ULK4: variants seen among roughly 807,000 people sequenced by gnomAD.
ULK4 encodes inactive serine/threonine-protein kinase ULK4.
A neutral mutation model predicts 160.6 loss-of-function variants in ULK4; 133 were observed. The observed-to-expected ratio is 0.83, with a 90% CI of 0.72 to 0.96. The LOEUF (loss-of-function observed/expected upper bound fraction) is 0.96. Among genes scored for constraint, ULK4 ranks in the 40% least tolerant of loss-of-function variants. The pLI, the probability that ULK4 is intolerant of heterozygous loss-of-function variation, is 0.00. For synonymous variants in ULK4, 534 were observed against 539.8 expected (o/e 0.99, Z 0.15); for missense variants, 1,580 against 1,499.5 (o/e 1.05, Z -0.89).
chr3:41,375,715 C>G (rs897133158), intron 35 of ULK4, among the ~76,000 whole-genome samples: 1 of 150,280 alleles, frequency 6.7e-6, no homozygotes, highest in Non-Finnish European at 1.5e-5. Flanking sequence ...AGGACACAGG[C>G]ATGGGCAAAG....
intron 22 of ULK4, among the ~76,000 whole-genome samples, chr3:41,736,540 T>G (rs1336809363): frequency 6.6e-6 from 1 of 151,944 alleles, no homozygotes; most frequent in Non-Finnish European, 1.5e-5. Flanking sequence ...GATGGGGTTG[T>G]TTGGTTTTTC....
chr3:41,578,876 C>G, intron 31 of ULK4, among the ~76,000 whole-genome samples: 1 of 152,144 alleles, frequency 6.6e-6, no homozygotes. Context: ...TTTCCAAAGT[C>G]CAGAAGAGAA....
At chr3:41,426,606 C>G (rs1217397820) in intron 34 of ULK4, among the ~76,000 whole-genome samples, 1 of 152,068 alleles carries the variant, frequency 6.6e-6, no homozygotes, top group Admixed American at 6.6e-5. Flanking sequence ...ACTCAAGATT[C>G]AGAAACTCAC....
At chr3:41,285,585 T>TG (rs1387260083) in intron 35 of ULK4, among the ~76,000 whole-genome samples, 1 of 152,030 alleles carries the variant, frequency 6.6e-6, no homozygotes, top group East Asian at 1.9e-4. Context: ...TTTGGGGACT[T>TG]GGGGGGAAGG....
At chr3:41,269,038 G>A (rs1340708163) in intron 35 of ULK4, among the ~76,000 whole-genome samples, 3 of 152,156 alleles carry the variant, frequency 2.0e-5, no homozygotes, top group East Asian at 3.9e-4. Context: ...CTGACTAACT[G>A]GCACACACTT....
At chr3:41,506,767 A>AAAAAAAAAAAAAAAAAAAAAAAAATATAT in intron 32 of ULK4, among the ~76,000 whole-genome samples, 17 of 56,794 alleles carry the variant, frequency 3.0e-4, no homozygotes, top group South Asian at 6.5e-4. Context: ...TGTGATTTAA[A>AAAAAAAAAAAAAAAAAAAAAAAAATATAT]ATATATATAT....
chr3:41,799,219 T>C (rs999201606), intron 20 of ULK4, among the ~76,000 whole-genome samples: 4 of 151,928 alleles, frequency 2.6e-5, no homozygotes, highest in South Asian at 2.1e-4. Flanking sequence ...CCAGATGAGA[T>C]TGCTAACTCA....
At chr3:41,917,477 T>C (rs1447401227) in intron 7 of ULK4, among the ~76,000 whole-genome samples, 1 of 151,998 alleles carries the variant, frequency 6.6e-6, no homozygotes, top group Non-Finnish European at 1.5e-5. Context: ...TATATATATA[T>C]GTATATATAG....
intron 21 of ULK4, among the ~76,000 whole-genome samples, chr3:41,762,763 CGCCATTCTCCT>C (rs1419908876): frequency 2.0e-5 from 3 of 150,054 alleles, no homozygotes; most frequent in African/African-American, 7.4e-5. Flanking sequence ...CCCAGGTTCA[CGCCATTCTCCT>C]GCCTCAGCCT....
At chr3:41,267,911 C>T (rs1257020698) in intron 35 of ULK4, among the ~76,000 whole-genome samples, 4 of 152,176 alleles carry the variant, frequency 2.6e-5, no homozygotes, top group African/African-American at 9.7e-5. Context: ...GAGATGTCTA[C>T]CAGATTGAGA....
chr3:41,560,647 T>G (rs573239520), intron 32 of ULK4, among the ~76,000 whole-genome samples: 1 of 152,220 alleles, frequency 6.6e-6, no homozygotes, highest in African/African-American at 2.4e-5. Flanking sequence ...AGTTCACTTA[T>G]GATTTGGTTC....
intron 17 of ULK4, among the ~76,000 whole-genome samples, chr3:41,867,295 G>C (rs577479134): frequency 1.3e-5 from 2 of 152,254 alleles, no homozygotes; most frequent in East Asian, 3.9e-4. Context: ...AAAGCCACAA[G>C]GGCACTTACC....
chr3:41,431,114 C>T (rs1212138003), intron 34 of ULK4, among the ~76,000 whole-genome samples: 2 of 152,108 alleles, frequency 1.3e-5, no homozygotes, highest in African/African-American at 4.8e-5. Flanking sequence ...CTTTGGGTGG[C>T]GGAGGCAGGC....
In ULK4 at chr3:41,800,300, A is replaced by C. The variant is rs369153499; in HGVS notation, c.1849-7T>G. Reference sequence around the variant, plus strand: ...GATTCACAACACGCTCTTCCTATAGAGAAAGGAGATTAAAATAATATTAGT... The same window carrying C: ...GATTCACAACACGCTCTTCCTATAGCGAAAGGAGATTAAAATAATATTAGT... On this transcript the variant is annotated splice_region_variant and splice_polypyrimidine_tract_variant and intron_variant, in intron 19 of 36. Transcript: ENST00000301831. 4.4e-6 allele frequency: 7 copies of C among 1,602,696 alleles called. No homozygotes were observed. The African/African-American group carries it at 6.7e-5, about 15-fold the overall frequency.
chr3:41,820,415 G>A (rs1236809993), intron 18 of ULK4, among the ~76,000 whole-genome samples: 1 of 152,020 alleles, frequency 6.6e-6, no homozygotes, highest in African/African-American at 2.4e-5. Flanking sequence ...ATCAACTTAG[G>A]TGCCCATCAA....
intron 31 of ULK4, among the ~76,000 whole-genome samples, chr3:41,595,346 G>A (rs1382439141): frequency 1.3e-5 from 2 of 152,288 alleles, no homozygotes; most frequent in East Asian, 1.9e-4. Flanking sequence ...AAGCCAGTAA[G>A]CTACAGAGAC....
intron 35 of ULK4, among the ~76,000 whole-genome samples, chr3:41,317,504 AATG>A (rs1178544939): frequency 6.6e-6 from 1 of 152,210 alleles, no homozygotes; most frequent in Non-Finnish European, 1.5e-5. Context: ...AACGATTGAT[AATG>A]ATTATTGATA....
At chr3:41,852,576 C>T (rs976162684) in intron 17 of ULK4, among the ~76,000 whole-genome samples, 5 of 147,198 alleles carry the variant, frequency 3.4e-5, no homozygotes, top group Non-Finnish European at 1.5e-5. Flanking sequence ...ACCTCAAAGA[C>T]CAAAAATAGA....
intron 34 of ULK4, among the ~76,000 whole-genome samples, chr3:41,437,064 T>A (rs940676324): frequency 1.3e-5 from 2 of 152,196 alleles, no homozygotes; most frequent in African/African-American, 2.4e-5. Context: ...AAAATAGCAT[T>A]ACAGATAGTC....
Sources: gnomAD v4.1 joint callset for allele counts (sites outside exome capture counted in the v4.1 genomes callset) on GRCh38, gnomAD v4.1.1 for gene constraint, MANE v1.5 for transcripts, NCBI Gene and HGNC (gene_info 2026-07-23, HGNC 2026-07-21) for gene names.